WDFY1: variants seen among roughly 807,000 people sequenced by gnomAD.
The protein encoded by WDFY1 is WD repeat and FYVE domain containing 1.
WDFY1 carries 32 observed loss-of-function variants against 56.4 expected under a neutral mutation model. That is an observed-to-expected ratio of 0.57 (90% confidence interval 0.43 to 0.76). The LOEUF (loss-of-function observed/expected upper bound fraction) is 0.76, where lower values mean the gene tolerates loss of function less well. Among genes scored for constraint, WDFY1 ranks in the 30% least tolerant of loss-of-function variants. The pLI is 0.00. For missense variants in WDFY1, 480 were observed against 545.7 expected, an observed-to-expected ratio of 0.88 and a Z score of 1.20; for synonymous variants, 192 against 197.3, an observed-to-expected ratio of 0.97 and a Z score of 0.23.
At chr2:223,934,091 T>TCC (rs1694128016) in intron 1 of WDFY1, among the ~76,000 whole-genome samples, 1 of 148,028 alleles carries the variant, frequency 6.8e-6, no homozygotes, top group Non-Finnish European at 1.5e-5. Flanking sequence ...CTTTTTTTTT[T>TCC]TTTTTTTTTT....
Position 223,927,959 on chromosome 2 carries a change from G to GGA in WDFY1, c.138-9951_138-9950dup, listed in dbSNP as rs372668847. On this transcript the variant is annotated intron_variant, in intron 1 of 11. Transcript: ENST00000233055. ...AGGAGGGAGGCAGGGAAAGAGGGAGGGAGAGAGAGAGAGACAGACAGACAT... is the reference window on the plus strand; with the variant it reads ...AGGAGGGAGGCAGGGAAAGAGGGAGGGAGAGAGAGAGAGAGACAGACAGACAT... 1.0e-3 allele frequency among the ~76,000 whole-genome samples: 157 copies of GGA among 151,812 alleles called. 1 individual carries two copies. The highest frequency in any genetic ancestry group is 3.7e-3 in the African/African-American group (155 of 41,380).
At chr2:223,904,329 G>A (rs886110235) in intron 4 of WDFY1, among the ~76,000 whole-genome samples, 41 of 152,186 alleles carry the variant, frequency 2.7e-4, no homozygotes, top group Admixed American at 2.0e-4. Context: ...TTGGTTCCCT[G>A]CAACCTCCGC....
chr2:223,923,228 T>C (rs943533241), intron 1 of WDFY1, among the ~76,000 whole-genome samples: 1 of 152,220 alleles, frequency 6.6e-6, no homozygotes, highest in East Asian at 1.9e-4. Flanking sequence ...CTTAACACTA[T>C]TGTACCCCAA....
At chr2:223,888,381 A>G (rs987744669) in intron 8 of WDFY1, among the ~76,000 whole-genome samples, 13 of 151,560 alleles carry the variant, frequency 8.6e-5, no homozygotes, top group Non-Finnish European at 1.9e-4. Flanking sequence ...CATTTTCATC[A>G]AAGTGATTGT....
At chr2:223,887,566 A>G (rs1693192662) in intron 8 of WDFY1, among the ~76,000 whole-genome samples, 1 of 152,238 alleles carries the variant, frequency 6.6e-6, no homozygotes, top group Non-Finnish European at 1.5e-5. Flanking sequence ...AAACTTGCCC[A>G]TTATTGCTCA....
chr2:223,911,751 A>G (rs1693707017), intron 3 of WDFY1, among the ~76,000 whole-genome samples: 1 of 152,170 alleles, frequency 6.6e-6, no homozygotes, highest in Non-Finnish European at 1.5e-5. Flanking sequence ...TCTGAGCTCC[A>G]AGGAACTAGT....
chr2:223,921,792 G>C (rs911029127), intron 1 of WDFY1, among the ~76,000 whole-genome samples: 1 of 152,052 alleles, frequency 6.6e-6, no homozygotes. Flanking sequence ...TGGTGTCGCT[G>C]TTTGTTTTTT....
Position 223,895,382 on chromosome 2 carries a change from A to C in WDFY1, c.725+122T>G, listed in dbSNP as rs987994039. 11 of 1,439,070 alleles carry C rather than the reference A, an allele frequency of 7.6e-6. No individual in the cohort carries two copies. In the African/African-American group the frequency reaches 1.5e-4, roughly 20 times the overall value. The allele number at this position is 1,439,070 out of a possible 1,614,324, so 89.1% of individuals were successfully genotyped here. A position where few individuals can be genotyped will look rare whatever the true frequency, so the allele number is the denominator to read the frequency against. ...AGCAGTTAAAAGTGAACTGAGCCCT[A>C]TCAATGATAATTGCCATCTTAGAAC... On this transcript the variant is annotated intron_variant, in intron 7 of 11. Coordinates refer to ENST00000233055, the MANE Select transcript of WDFY1 (RefSeq NM_020830.5).
At chr2:223,940,226 G>A (rs1361964507) in intron 1 of WDFY1, among the ~76,000 whole-genome samples, 2 of 152,178 alleles carry the variant, frequency 1.3e-5, no homozygotes, top group Non-Finnish European at 2.9e-5. Context: ...GGCTGAAGCA[G>A]GAGAATCGCT....
intron 1 of WDFY1, among the ~76,000 whole-genome samples, chr2:223,930,750 G>C (rs1694060211): frequency 6.6e-6 from 1 of 152,196 alleles, no homozygotes; most frequent in African/African-American, 2.4e-5. Context: ...CACGTCACAT[G>C]AACCACAGGG....
intron 7 of WDFY1, 59 bp downstream of exon 7, chr2:223,895,445 C>T: frequency 6.2e-7 from 1 of 1,612,094 alleles, no homozygotes; most frequent in Non-Finnish European, 8.5e-7. Context: ...CTATTAATGC[C>T]TTTCACTAGC....
intron 3 of WDFY1, among the ~76,000 whole-genome samples, chr2:223,907,825 C>T (rs189393893): frequency 8.5e-5 from 13 of 152,068 alleles, no homozygotes; most frequent in African/African-American, 2.9e-4. Flanking sequence ...TCTTTCTTCT[C>T]GGCCCTTACA....
chr2:223,881,538 C>T (rs1005492274), intron 10 of WDFY1, among the ~76,000 whole-genome samples: 8 of 152,166 alleles, frequency 5.3e-5, no homozygotes, highest in African/African-American at 1.7e-4. Context: ...GCCTGTAATC[C>T]TGGCACTTTG....
chr2:223,943,156 G>C (rs1279225042), intron 1 of WDFY1, among the ~76,000 whole-genome samples: 1 of 147,392 alleles, frequency 6.8e-6, no homozygotes, highest in Non-Finnish European at 1.5e-5. Context: ...ACTCCATCCA[G>C]CCTGGGTGAC....
chr2:223,895,290 T>TTTG (rs1559165189), intron 7 of WDFY1, among the ~76,000 whole-genome samples: 134 of 152,202 alleles, frequency 8.8e-4, no homozygotes, highest in African/African-American at 3.1e-3. Flanking sequence ...GCATTTGTTT[T>TTTG]TTTGTTTGTT....
chr2:223,889,449 G>A (rs1450027593), intron 8 of WDFY1, among the ~76,000 whole-genome samples: 1 of 152,130 alleles, frequency 6.6e-6, no homozygotes, highest in Admixed American at 6.6e-5. Context: ...GTCATGGGAG[G>A]GACCCAGTAG....
intron 1 of WDFY1, among the ~76,000 whole-genome samples, chr2:223,925,445 G>A (rs1250439881): frequency 2.0e-5 from 3 of 152,102 alleles, no homozygotes; most frequent in Non-Finnish European, 4.4e-5. Context: ...AAAAGTTAAC[G>A]ATCATCTGAA....
chr2:223,880,961 A>G lies in WDFY1; in HGVS notation c.1065-729T>C, dbSNP rs370154189. 9.9e-5 allele frequency among the ~76,000 whole-genome samples: 15 copies of G among 152,248 alleles called. No homozygotes were observed. The East Asian group carries it at 2.1e-3, about 22-fold the overall frequency. On this transcript the variant is annotated intron_variant, in intron 10 of 11. Transcript: ENST00000233055. ...CCCGCTTCAAAGCCCAGCTGCCCCA[A>G]TCCCATCACTAGTTCATTTACCAAC...
intron 1 of WDFY1, among the ~76,000 whole-genome samples, chr2:223,928,631 AAG>A (rs1694023849): frequency 6.6e-6 from 1 of 152,238 alleles, no homozygotes; most frequent in African/African-American, 2.4e-5. Context: ...TCCACTCCCT[AAG>A]AGTCTATCCT....
Sources: allele counts gnomAD v4.1 joint callset (sites outside exome capture counted in the v4.1 genomes callset), GRCh38; gene constraint gnomAD v4.1.1; transcripts MANE v1.5; gene names NCBI Gene and HGNC (gene_info 2026-07-23, HGNC 2026-07-21).